The following WNK2 variants were observed in gnomAD, a reference collection of about 807,000 sequenced individuals.
WNK2 encodes serine/threonine-protein kinase WNK2.
WNK2 carries 67 observed loss-of-function variants against 192.1 expected under a neutral mutation model. That is an observed-to-expected ratio of 0.35 (90% CI 0.29 to 0.43). The LOEUF (loss-of-function observed/expected upper bound fraction) is 0.43, where lower values mean the gene tolerates loss of function less well. Among genes scored for constraint, WNK2 ranks in the 20% least tolerant of loss-of-function variants. The probability of loss-of-function intolerance (pLI) is 1.00; values close to 1 mark genes in which losing one functional copy is unlikely to be tolerated. For missense variants in WNK2, 2,698 were observed against 3,089.7 expected, an observed-to-expected ratio of 0.87 and a Z score of 3.01; for synonymous variants, 1,439 against 1,393.9, an observed-to-expected ratio of 1.03 and a Z score of -0.72.
Position 93,247,742 on chromosome 9 carries a change from C to T in WNK2, c.1742C>T (p.Ala581Val), listed in dbSNP as rs561143825. 278 of 1,554,624 alleles carry T rather than the reference C, an allele frequency of 1.8e-4. 2 individuals carry two copies. In the South Asian group the frequency reaches 3.2e-3, roughly 18 times the overall value. The change falls in exon 8 of 30, where the codon GCT becomes GTT. Residue 581 changes from alanine (A) to valine (V), a missense_variant. Physicochemically the swap from Ala to Val is moderately conservative, Grantham distance 64. Around this residue, in one of 7 missense-constraint regions of WNK2, gnomAD observed 893 missense variants for 909.0 expected, o/e 0.98. Transcript: ENST00000427277. This position sits in a 1 kb window ranked among gnomAD's most constrained non-coding sequence, Gnocchi z 5.2. Reference protein sequence around the residue: ...LQVQVTYHAQAGQPGPPEPEE... With the variant: ...LQVQVTYHAQVGQPGPPEPEE... Reference sequence around the variant, plus strand: ...GTCCAGGTGACCTACCATGCACAGGCTGGGCAGCCCGGGCCACCAGAGCCC... The same window carrying T: ...GTCCAGGTGACCTACCATGCACAGGTTGGGCAGCCCGGGCCACCAGAGCCC...
At chr9:93,302,812 C>G (rs1381050497) in intron 26 of WNK2, among the ~76,000 whole-genome samples, 1 of 152,218 alleles carries the variant, frequency 6.6e-6, no homozygotes, top group African/African-American at 2.4e-5. Flanking sequence ...TGCTTAGAAC[C>G]CCTGTGAGCT....
At chr9:93,276,489 A>G (rs899005535) in intron 19 of WNK2, among the ~76,000 whole-genome samples, 1 of 152,244 alleles carries the variant, frequency 6.6e-6, no homozygotes, top group Non-Finnish European at 1.5e-5. Context: ...ATAAGGAAAC[A>G]TTGGAGAAAA....
chr9:93,222,287 G>A (rs1837057839), intron 2 of WNK2, among the ~76,000 whole-genome samples: 1 of 152,086 alleles, frequency 6.6e-6, no homozygotes. Context: ...TCCCATCTCA[G>A]CCTCCCAAGT....
In WNK2 at chr9:93,255,634, C is replaced by G. The variant is rs1012323315; in HGVS notation, c.2035-665C>G. ...ATGGCAGGGTGGAAGAGCCATGATC[C>G]TCTGTAGCCCTGCCTGCTCCTCACA... On this transcript the variant is annotated intron_variant, in intron 9 of 29. Coordinates refer to ENST00000427277, the MANE Select transcript of WNK2 (RefSeq NM_006648.4). 2.0e-5 allele frequency among the ~76,000 whole-genome samples: 3 copies of G among 152,162 alleles called. No homozygotes were observed. In the South Asian group the frequency reaches 6.2e-4, roughly 32 times the overall value.
At chr9:93,260,415 C>T (rs575953931) in intron 12 of WNK2, among the ~76,000 whole-genome samples, 2 of 152,308 alleles carry the variant, frequency 1.3e-5, no homozygotes, top group Non-Finnish European at 2.9e-5. Context: ...CCTTACCTGA[C>T]CTCCTCCTAC....
At chr9:93,290,614 C>G (rs2012744) in intron 21 of WNK2, among the ~76,000 whole-genome samples, 49,506 of 152,102 alleles carry the variant, frequency 0.33, 8,227 homozygotes, top group South Asian at 0.52. Context: ...AGGGTCTGCA[C>G]ACGTTCCGGT....
chr9:93,242,285 C>T (rs747014947), intron 7 of WNK2, among the ~76,000 whole-genome samples: 1 of 152,212 alleles, frequency 6.6e-6, no homozygotes, highest in Non-Finnish European at 1.5e-5. Context: ...CCCACCTGGC[C>T]CATTCTCATC....
intron 2 of WNK2, among the ~76,000 whole-genome samples, chr9:93,205,613 G>T (rs1008120117): frequency 1.4e-4 from 22 of 152,264 alleles, no homozygotes; most frequent in African/African-American, 4.3e-4. Context: ...AGTTGCTGCT[G>T]TGGAAGCTGG....
At chr9:93,288,701 G>A (rs1483064029) in intron 19 of WNK2, 87 bp from the exon 20 acceptor site, 1 of 1,348,140 alleles carries the variant, frequency 7.4e-7, no homozygotes, top group African/African-American at 1.5e-5. Flanking sequence ...ATGGCCAGCT[G>A]TGTAAGGCAT....
intron 2 of WNK2, among the ~76,000 whole-genome samples, chr9:93,228,703 G>GA (rs1838221882): frequency 6.6e-6 from 1 of 152,232 alleles, no homozygotes. Context: ...CTCGTGAGGG[G>GA]AAGTTGGAAG....
chr9:93,252,865 T>A lies in WNK2; in HGVS notation c.1835-18T>A. ...ATTTGGAGATGTCCACTCTAAGTCC[T>A]GCTTTTGTCCTCCCCAGCGGACAGC... On this transcript the variant is annotated intron_variant, in intron 8 of 29. Coordinates refer to ENST00000427277, the MANE Select transcript of WNK2 (RefSeq NM_006648.4). 1.4e-6 allele frequency: 2 copies of A among 1,419,254 alleles called. No homozygotes were observed. Among genetic ancestry groups the A allele is most frequent in the Non-Finnish European group, 1.9e-6 (2 of 1,077,690 alleles). 87.9% of individuals were successfully genotyped at this position (1,419,254 alleles called of 1,614,324 possible).
At chr9:93,304,150 T>C (rs1169013544) in intron 26 of WNK2, among the ~76,000 whole-genome samples, 1 of 152,204 alleles carries the variant, frequency 6.6e-6, no homozygotes, top group Non-Finnish European at 1.5e-5. Context: ...TTTGAATCCT[T>C]CTTGGTTGAG....
chr9:93,204,551 C>T (rs954590052), intron 2 of WNK2, among the ~76,000 whole-genome samples: 1 of 152,170 alleles, frequency 6.6e-6, no homozygotes, highest in African/African-American at 2.4e-5. Context: ...AGGTGCCTGG[C>T]ATGGGGGATG....
intron 16 of WNK2, 148 bp downstream of exon 16, chr9:93,264,181 C>T (rs1295339296): frequency 1.2e-5 from 8 of 648,170 alleles, no homozygotes; most frequent in South Asian, 1.2e-4. Flanking sequence ...TGACCTTTTA[C>T]GCCTCGGGCT....
intron 2 of WNK2, among the ~76,000 whole-genome samples, chr9:93,212,018 C>T (rs558810592): frequency 6.6e-6 from 1 of 152,310 alleles, no homozygotes; most frequent in African/African-American, 2.4e-5. Context: ...CACACACTCA[C>T]ACATTCACTC....
At chr9:93,315,717 T>A (rs933776208) in intron 28 of WNK2, 3 of 151,994 alleles carry the variant, frequency 2.0e-5, no homozygotes, top group Non-Finnish European at 4.4e-5. Flanking sequence ...GGTACAAAGA[T>A]TTTTTTTGAA....
At chr9:93,319,317 C>T in intron 29 of WNK2, 8 of 1,434,070 alleles carry the variant, frequency 5.6e-6, no homozygotes, top group Non-Finnish European at 7.3e-6. Context: ...CAGCTGCATC[C>T]ACACCTCTGG....
intron 2 of WNK2, among the ~76,000 whole-genome samples, chr9:93,214,709 C>CG (rs1285512868): frequency 4.4e-5 from 5 of 114,744 alleles, no homozygotes; most frequent in Non-Finnish European, 7.2e-5. Context: ...CCCCCCCCCC[C>CG]CCGCCCTCTC....
At chr9:93,278,568 A>G (rs1226631442) in intron 19 of WNK2, among the ~76,000 whole-genome samples, 1 of 152,264 alleles carries the variant, frequency 6.6e-6, no homozygotes, top group Non-Finnish European at 1.5e-5. Flanking sequence ...TCTTAAGAGC[A>G]GGATCTGAGA....
Sources: allele counts gnomAD v4.1 joint callset (sites outside exome capture counted in the v4.1 genomes callset), GRCh38; gene constraint gnomAD v4.1.1; regional missense constraint gnomAD v4.1.1; non-coding constraint Gnocchi (gnomAD v3.1); transcripts MANE v1.5; gene names NCBI Gene and HGNC (gene_info 2026-07-23, HGNC 2026-07-21).